CBL: variants seen among roughly 807,000 people sequenced by gnomAD.
CBL encodes E3 ubiquitin-protein ligase CBL.
CBL carries 45 observed loss-of-function variants against 96.9 expected under a neutral mutation model. The observed-to-expected ratio is 0.46, with a 90% CI of 0.37 to 0.60. CBL has a LOEUF of 0.60. CBL is among the 20% of genes least tolerant of loss of function. CBL has a pLI of 0.00. For synonymous variants in CBL, 420 were observed against 426.8 expected, an observed-to-expected ratio of 0.98 and a Z score of 0.20; for missense variants, 1,024 against 1,143.5, an observed-to-expected ratio of 0.90 and a Z score of 1.51.
intron 2 of CBL, among the ~76,000 whole-genome samples, chr11:119,254,293 A>G (rs751432725): frequency 2.9e-4 from 44 of 152,256 alleles, no homozygotes; most frequent in Non-Finnish European, 4.1e-4. Context: ...TCACAATTTA[A>G]AGTCCATTGA....
intron 1 of CBL, among the ~76,000 whole-genome samples, chr11:119,214,893 ATTTTTTTTTTTTTT>A (rs774184469): frequency 1.7e-5 from 2 of 117,964 alleles, no homozygotes; most frequent in African/African-American, 3.4e-5. Context: ...CTGGTAGGGA[ATTTTTTTTTTTTTT>A]TTTTTTTTTT....
At chr11:119,278,054 AT>A in intron 7 of CBL, 111 bp from the exon 8 acceptor site, 1 of 1,040,598 alleles carries the variant, frequency 9.6e-7, no homozygotes, top group Non-Finnish European at 1.4e-6. Context: ...CTGTTGTGAC[AT>A]TTTTATATAA....
intron 2 of CBL, among the ~76,000 whole-genome samples, chr11:119,260,634 A>G (rs1185098805): frequency 6.6e-6 from 1 of 152,132 alleles, no homozygotes; most frequent in Non-Finnish European, 1.5e-5. Context: ...ATTATTGGTA[A>G]TACCCTAGGT....
chr11:119,261,656 C>G (rs951407581), intron 2 of CBL, among the ~76,000 whole-genome samples: 1 of 152,094 alleles, frequency 6.6e-6, no homozygotes, highest in Non-Finnish European at 1.5e-5. Flanking sequence ...GTAACCAGTA[C>G]TGAGGGTTAA....
intron 2 of CBL, among the ~76,000 whole-genome samples, chr11:119,255,436 A>G (rs1216433296): frequency 1.3e-5 from 2 of 152,084 alleles, no homozygotes; most frequent in Non-Finnish European, 2.9e-5. Flanking sequence ...AGATGATTAT[A>G]TGTTTTTTCC....
chr11:119,259,600 A>G (rs914521783), intron 2 of CBL, among the ~76,000 whole-genome samples: 3 of 152,136 alleles, frequency 2.0e-5, no homozygotes, highest in Non-Finnish European at 2.9e-5. Flanking sequence ...TGGTGGGAGA[A>G]TTATGATAGA....
rs1419777024 is a variant in CBL at position 119,275,237 on chromosome 11, G to C, written c.869+284G>C. ...GGGCAGATCACGAGGTCAGGAGTTT[G>C]AGACCAGCCTGGCCAAAGTGGTAAA... On this transcript the variant is annotated intron_variant, in intron 5 of 15. Coordinates refer to ENST00000264033, the MANE Select transcript of CBL (RefSeq NM_005188.4). Among the ~76,000 whole-genome samples the C allele has an allele frequency of 3.3e-5, 5 of 151,152 alleles. No homozygotes were observed. In the South Asian group the frequency reaches 1.0e-3, roughly 32 times the overall value.
In CBL at chr11:119,278,425, G is replaced by T. The variant is rs1011176018; in HGVS notation, c.1228-85G>T. On this transcript the variant is annotated intron_variant, in intron 8 of 15. Transcript: ENST00000264033. ...TAGGTTTAAACTTTTACTTTTTTTTGATCTCTAGGAAATGTATTTTCTAGT... is the reference window on the plus strand; with the variant it reads ...TAGGTTTAAACTTTTACTTTTTTTTTATCTCTAGGAAATGTATTTTCTAGT... The T allele has an allele frequency of 2.8e-5, 43 of 1,527,810 alleles. No individual in the cohort carries two copies. In the African/African-American group the frequency reaches 5.2e-4, roughly 19 times the overall value. 94.6% of individuals were successfully genotyped at this position (1,527,810 alleles called of 1,614,324 possible).
intron 12 of CBL, among the ~76,000 whole-genome samples, chr11:119,290,758 C>A (rs935281219): frequency 4.6e-5 from 7 of 151,598 alleles, no homozygotes; most frequent in Non-Finnish European, 7.4e-5. Context: ...TCACTGCAAC[C>A]TCCGCCTCCT....
intron 2 of CBL, among the ~76,000 whole-genome samples, chr11:119,242,710 GC>G (rs1949596224): frequency 7.1e-6 from 1 of 140,030 alleles, no homozygotes; most frequent in African/African-American, 2.7e-5. Flanking sequence ...CTGCACTATA[GC>G]CTTGGTGACT....
chr11:119,281,192 T>A (rs1592402640), intron 9 of CBL, among the ~76,000 whole-genome samples: 1 of 152,330 alleles, frequency 6.6e-6, no homozygotes, highest in East Asian at 1.9e-4. Context: ...AGGTGTCCCC[T>A]CGCCATCCTC....
intron 1 of CBL, among the ~76,000 whole-genome samples, chr11:119,212,476 A>G (rs928168962): frequency 1.3e-5 from 2 of 150,430 alleles, no homozygotes; most frequent in African/African-American, 2.4e-5. Flanking sequence ...AAATACAAAA[A>G]TTAGCTGGGT....
chr11:119,269,029 A>G (rs1448306114), intron 2 of CBL, among the ~76,000 whole-genome samples: 1 of 152,238 alleles, frequency 6.6e-6, no homozygotes. Context: ...TGTGCAGTCT[A>G]GGGTCCTGCG....
intron 12 of CBL, among the ~76,000 whole-genome samples, chr11:119,291,378 C>T (rs534666632): frequency 6.6e-6 from 1 of 152,296 alleles, no homozygotes; most frequent in South Asian, 2.1e-4. Context: ...GAGCACGACC[C>T]TGTCTCAAAA....
At chr11:119,219,278 AG>A (rs1181687777) in intron 1 of CBL, among the ~76,000 whole-genome samples, 2 of 151,446 alleles carry the variant, frequency 1.3e-5, no homozygotes, top group Non-Finnish European at 2.9e-5. Context: ...ACGTGGGAGG[AG>A]GCTAAGGAGA....
In CBL at chr11:119,284,908, G is replaced by T. The variant is rs2298650; in HGVS notation, c.1432-61G>T. 0.29 allele frequency: 470,456 copies of T among 1,596,104 alleles called. 74,875 individuals are homozygous for T. Among genetic ancestry groups the T allele is most frequent in the South Asian group, 0.57 (51,707 of 90,416 alleles). ...GTATTTGCCATCCACAGCTTTAGGA[G>T]AGTTGAAAGATGCCATTTCCCCAAA... On this transcript the variant is annotated intron_variant, in intron 9 of 15. Transcript: ENST00000264033.
At chr11:119,279,403 C>A (rs184444436) in intron 9 of CBL, among the ~76,000 whole-genome samples, 48 of 151,818 alleles carry the variant, frequency 3.2e-4, no homozygotes, top group Non-Finnish European at 4.6e-4. Context: ...TCTAACTACT[C>A]TGGAGGCCAA....
chr11:119,231,020 A>G (rs1949497987), intron 1 of CBL, among the ~76,000 whole-genome samples: 1 of 152,224 alleles, frequency 6.6e-6, no homozygotes, highest in South Asian at 2.1e-4. Context: ...TTGCCAGGCA[A>G]ATTCTGAGAG....
At chr11:119,293,107 T>G (rs2135317057) in intron 12 of CBL, among the ~76,000 whole-genome samples, 1 of 80,382 alleles carries the variant, frequency 1.2e-5, no homozygotes, top group African/African-American at 4.0e-5. Context: ...ATTCCATCCT[T>G]TTTTTTTTCT....
Sources: allele counts gnomAD v4.1 joint callset (sites outside exome capture counted in the v4.1 genomes callset), GRCh38; gene constraint gnomAD v4.1.1; transcripts MANE v1.5; gene names NCBI Gene and HGNC (gene_info 2026-07-23, HGNC 2026-07-21).